Variants in LGR5 observed in about 807,000 individuals in gnomAD.
The protein encoded by LGR5 is leucine rich repeat containing G protein-coupled receptor 5.
LGR5 carries 54 observed loss-of-function variants against 76.7 expected under a neutral mutation model. That is an observed-to-expected ratio of 0.70 (90% confidence interval 0.57 to 0.88). The LOEUF (loss-of-function observed/expected upper bound fraction) is 0.88, where lower values mean the gene tolerates loss of function less well. Among genes scored for constraint, LGR5 ranks in the 40% least tolerant of loss-of-function variants. LGR5 has a pLI of 0.00. For synonymous variants in LGR5, 406 were observed against 421.9 expected (o/e 0.96, Z 0.46); for missense variants, 1,078 against 1,073.3 (o/e 1.00, Z -0.06).
upstream of LGR5, among the ~76,000 whole-genome samples, chr12:71,439,261 A>C (rs1289593700): frequency 6.6e-6 from 1 of 152,202 alleles, no homozygotes; most frequent in East Asian, 1.9e-4. Flanking sequence ...CGGCAGACGT[A>C]AGGATCAAAA....
Position 71,440,052 on chromosome 12 carries a change from C to T in LGR5, c.-29C>T. ...GTCCGGTGCTGCTCTCCGCCCGCGT[C>T]CGGCTCGTGGCCCCCTACTTCGGGC... On this transcript the variant is annotated 5_prime_UTR_variant, in exon 1 of 18. Coordinates refer to ENST00000266674, the MANE Select transcript of LGR5 (RefSeq NM_003667.4). The surrounding 1 kb of genome is among the most constrained non-coding windows in gnomAD (Gnocchi z 5.3). 1 of 1,595,134 alleles carries T rather than the reference C, an allele frequency of 6.3e-7. No homozygotes were observed. The highest frequency in any genetic ancestry group is 8.5e-7 in the Non-Finnish European group (1 of 1,176,764).
Position 71,566,696 on chromosome 12 carries a change from A to T in LGR5, c.994A>T (p.Ser332Cys). 1 of 1,612,460 alleles carries T rather than the reference A, an allele frequency of 6.2e-7. No individual in the cohort carries two copies. Residue 332 changes from serine (S) to cysteine (C), a missense_variant, in exon 10 of 18, where the codon AGT becomes TGT. Coordinates refer to ENST00000266674, the MANE Select transcript of LGR5 (RefSeq NM_003667.4). ...TTTAACTGGAACTGCAAACCTGGAGAGTCTGTAAGTACTGAGTAGACTCTT... is the reference window on the plus strand; with the variant it reads ...TTTAACTGGAACTGCAAACCTGGAGTGTCTGTAAGTACTGAGTAGACTCTT... ...PDLTGTANLE[S>C]LTLTGAQISS...
chr12:71,485,551 T>C (rs1439914350), intron 1 of LGR5, among the ~76,000 whole-genome samples: 2 of 151,944 alleles, frequency 1.3e-5, no homozygotes, highest in African/African-American at 4.8e-5. Context: ...ACGCCATCTC[T>C]GCAAAAAATA....
Position 71,440,572 on chromosome 12 carries a change from G to A in LGR5, c.212+280G>A, listed in dbSNP as rs1477774813. On this transcript the variant is annotated intron_variant, in intron 1 of 17. Coordinates refer to ENST00000266674, the MANE Select transcript of LGR5 (RefSeq NM_003667.4). This position sits in a 1 kb window ranked among gnomAD's most constrained non-coding sequence, Gnocchi z 5.3. ...TTCCCAGTCCAGCGCTAGAAACATCGCAGGGCGAATTCCTGCAAATGCAGG... is the reference window on the plus strand; with the variant it reads ...TTCCCAGTCCAGCGCTAGAAACATCACAGGGCGAATTCCTGCAAATGCAGG... Among the ~76,000 whole-genome samples the A allele has an allele frequency of 3.3e-5, 5 of 152,194 alleles. No individual in the cohort carries two copies. Among genetic ancestry groups the A allele is most frequent in the African/African-American group, 1.2e-4 (5 of 41,456 alleles).
chr12:71,571,222 A>G (rs1565770125), intron 11 of LGR5: 4 of 214,008 alleles, frequency 1.9e-5, no homozygotes, highest in Middle Eastern at 3.2e-3. Context: ...TTCTCATTGC[A>G]GTAAGATAAT....
Position 71,566,511 on chromosome 12 carries a change from C to T in LGR5, c.929+36C>T, listed in dbSNP as rs572674883. On this transcript the variant is annotated intron_variant, in intron 9 of 17. Coordinates refer to ENST00000266674, the MANE Select transcript of LGR5 (RefSeq NM_003667.4). ...ATGTCTCTTATGGATCACTTTCCCT[C>T]TACAGGGTTGCTGTGAAAAACCAAA... is the stretch of plus-strand genomic sequence containing the variant. The T allele has an allele frequency of 6.4e-6, 10 of 1,553,566 alleles. No individual in the cohort carries two copies. In the East Asian group the frequency reaches 9.0e-5, roughly 14 times the overall value.
At chr12:71,549,964 T>A (rs1462891206) in intron 4 of LGR5, among the ~76,000 whole-genome samples, 2 of 152,138 alleles carry the variant, frequency 1.3e-5, no homozygotes, top group Non-Finnish European at 2.9e-5. Context: ...ACGTGATTCA[T>A]AAAAGATATT....
At position 71,524,480 on chromosome 12, in the gene LGR5, A is replaced by G; in HGVS notation, c.356+3A>G. 6.3e-7 allele frequency: 1 copy of G among 1,597,732 alleles called. No homozygotes were observed. The highest frequency in any genetic ancestry group is 1.1e-5 in the South Asian group (1 of 90,628). ...GGCCTTTACAGTCTTAAAGTTCTGT[A>G]AGTAAACTGAGTGTTGTTGGATATA... On this transcript the variant is annotated splice_donor_region_variant and intron_variant, in intron 3 of 17. Transcript: ENST00000266674.
Position 71,535,170 on chromosome 12 carries a change from C to G in LGR5, c.412C>G (p.Arg138Gly). 6.2e-7 allele frequency: 1 copy of G among 1,607,380 alleles called. No homozygotes were observed. Among genetic ancestry groups the G allele is most frequent in the Non-Finnish European group, 8.5e-7 (1 of 1,174,450 alleles). ...ACCCACAGAAGCTCTGCAGAATTTG[C>G]GAAGCCTTCAATCCCTGTAAGTATA... is the stretch of plus-strand genomic sequence containing the variant. ...HVPTEALQNL[R>G]SLQSLRLDAN... Residue 138 changes from arginine to glycine, a missense_variant, in exon 4 of 18, where the codon CGA becomes GGA. Transcript: ENST00000266674.
At chr12:71,551,085 A>G (rs766795914) in intron 4 of LGR5, among the ~76,000 whole-genome samples, 5 of 152,244 alleles carry the variant, frequency 3.3e-5, no homozygotes, top group African/African-American at 9.6e-5. Context: ...GTTGCTGACA[A>G]TGATAGTTGT....
intron 2 of LGR5, among the ~76,000 whole-genome samples, chr12:71,510,656 A>C (rs1478163710): frequency 1.3e-5 from 2 of 152,196 alleles, no homozygotes; most frequent in Non-Finnish European, 2.9e-5. Context: ...GGAGACAGAT[A>C]ATAAGCAAGG....
intron 1 of LGR5, among the ~76,000 whole-genome samples, chr12:71,456,635 G>C (rs1872489995): frequency 6.6e-6 from 1 of 152,078 alleles, no homozygotes; most frequent in African/African-American, 2.4e-5. Flanking sequence ...TTTAAATGGA[G>C]CTAAATGCAA....
chr12:71,524,263 C>T, intron 2 of LGR5, 143 bp from the exon 3 acceptor site: 1 of 554,712 alleles, frequency 1.8e-6, no homozygotes, highest in Non-Finnish European at 3.1e-6. Context: ...ATATTTTTTG[C>T]AAAATATAAC....
At chr12:71,484,931 T>A (rs1010332584) in intron 1 of LGR5, among the ~76,000 whole-genome samples, 1 of 152,212 alleles carries the variant, frequency 6.6e-6, no homozygotes, top group Non-Finnish European at 1.5e-5. Context: ...TAACATGCTA[T>A]TAATATAACC....
intron 11 of LGR5, among the ~76,000 whole-genome samples, chr12:71,570,115 C>T (rs1037680160): frequency 6.6e-6 from 1 of 151,844 alleles, no homozygotes; most frequent in Non-Finnish European, 1.5e-5. Flanking sequence ...AATGAGAACA[C>T]ATGGACACAG....
intron 3 of LGR5, among the ~76,000 whole-genome samples, chr12:71,530,491 A>G (rs901347558): frequency 6.6e-6 from 1 of 152,222 alleles, no homozygotes; most frequent in Non-Finnish European, 1.5e-5. Flanking sequence ...GATCCAGTCT[A>G]TTAAGATGGA....
rs1447342080 is a variant in LGR5 at position 71,585,864 on chromosome 12, CTG to C, written c.*1134_*1135del. ...CTTCTCTGCTTATTCCATATTAATA[CTG>C]TGTTAGGTATTTTAAGAAGCAAGTT... On this transcript the variant is annotated 3_prime_UTR_variant, in exon 18 of 18. Transcript: ENST00000266674. 3 of 152,124 alleles carry C rather than the reference CTG, an allele frequency of 2.0e-5. No homozygotes were observed. Among genetic ancestry groups the C allele is most frequent in the Non-Finnish European group, 2.9e-5 (2 of 68,016 alleles). 9.4% of individuals were successfully genotyped at this position (152,124 alleles called of 1,614,324 possible).
At chr12:71,551,414 C>A (rs1217926537) in intron 4 of LGR5, among the ~76,000 whole-genome samples, 19 of 152,182 alleles carry the variant, frequency 1.2e-4, no homozygotes, top group Admixed American at 1.2e-3. Context: ...GTCTTAAATG[C>A]TTCCAAAAAC....
chr12:71,479,417 T>G (rs1291420674), intron 1 of LGR5, among the ~76,000 whole-genome samples: 2 of 152,192 alleles, frequency 1.3e-5, no homozygotes, highest in Non-Finnish European at 2.9e-5. Flanking sequence ...CTGGAGTATT[T>G]ACTGTGTTTC....
Sources: allele counts gnomAD v4.1 joint callset (sites outside exome capture counted in the v4.1 genomes callset), GRCh38; gene constraint gnomAD v4.1.1; non-coding constraint Gnocchi (gnomAD v3.1); transcripts MANE v1.5; gene names NCBI Gene and HGNC (gene_info 2026-07-23, HGNC 2026-07-21).